Variants in EML5 observed in about 807,000 individuals in gnomAD.
EML5 encodes the protein EMAP like 5.
A neutral mutation model predicts 250.0 loss-of-function variants in EML5; 120 were observed. That is an observed-to-expected ratio of 0.48 (90% CI 0.41 to 0.56). The LOEUF is 0.56. EML5 is among the 20% of genes least tolerant of loss of function. The pLI is 0.00. For synonymous variants in EML5, 771 were observed against 806.5 expected (o/e 0.96, Z 0.75); for missense variants, 2,006 against 2,437.6 (o/e 0.82, Z 3.73).
At chr14:88,722,783 A>G (rs75387736) in intron 8 of EML5, among the ~76,000 whole-genome samples, 2,111 of 152,170 alleles carry the variant, frequency 0.014, 30 homozygotes, top group Middle Eastern at 0.037. Context: ...AAAATTTGCA[A>G]CCCCTGGCAT....
intron 24 of EML5, 48 bp from the exon 25 acceptor site, chr14:88,661,878 G>T: frequency 6.6e-7 from 1 of 1,511,334 alleles, no homozygotes; most frequent in Non-Finnish European, 8.9e-7. Context: ...CAAACCTAAA[G>T]TATTAACAAC....
intron 12 of EML5, 143 bp from the exon 13 acceptor site, chr14:88,705,121 T>G: frequency 1.6e-6 from 1 of 607,982 alleles, no homozygotes; most frequent in Non-Finnish European, 2.8e-6. Context: ...TCATGAAATT[T>G]ACTCCCTCGG....
intron 3 of EML5, among the ~76,000 whole-genome samples, 169 bp downstream of exon 3, chr14:88,746,016 C>T (rs376567607): frequency 8.5e-4 from 130 of 152,284 alleles, no homozygotes; most frequent in African/African-American, 3.0e-3. Flanking sequence ...CATATGTACT[C>T]TAACACTTTA....
chr14:88,740,353 C>T, intron 5 of EML5, 34 bp downstream of exon 5: 3 of 1,550,778 alleles, frequency 1.9e-6, no homozygotes, highest in East Asian at 2.2e-5. Context: ...AAGTAATACA[C>T]ATGAAAGTGT....
At chr14:88,682,550 C>A (rs2092736859) in intron 20 of EML5, among the ~76,000 whole-genome samples, 1 of 152,148 alleles carries the variant, frequency 6.6e-6, no homozygotes, top group Non-Finnish European at 1.5e-5. Context: ...GAGATCCACT[C>A]CCTTCCTCCC....
chr14:88,643,046 T>A, intron 30 of EML5, 24 bp from the exon 31 acceptor site: 1 of 1,545,854 alleles, frequency 6.5e-7, no homozygotes, highest in African/African-American at 1.4e-5. Flanking sequence ...AATAAAACCA[T>A]TATATTCTTC....
intron 21 of EML5, among the ~76,000 whole-genome samples, chr14:88,675,047 C>A (rs2092562723): frequency 6.6e-6 from 1 of 152,336 alleles, no homozygotes; most frequent in Non-Finnish European, 1.5e-5. Context: ...GAGTATAGCC[C>A]CCTTCCTGGC....
Position 88,682,019 on chromosome 14 carries a change from C to T in EML5, c.2995G>A (p.Gly999Arg). Residue 999 changes from glycine (G) to arginine (R), a missense_variant, in exon 21 of 44, where the codon GGA becomes AGA. This residue lies in a region of EML5 where 1,375 missense variants were observed against 1,590.3 expected (regional missense o/e 0.86). Transcript: ENST00000554922. ...ITLLVQGHME[G>R]EVWGLATHPY... Reference sequence around the variant, plus strand: ...TGTGTAGCTAAACCCCACACCTCTCCTTCCATGTGTCCCTATAAAGAAAAC... The same window carrying T: ...TGTGTAGCTAAACCCCACACCTCTCTTTCCATGTGTCCCTATAAAGAAAAC... The T allele has an allele frequency of 6.3e-7, 1 of 1,599,636 alleles. No individual in the cohort carries two copies. Among genetic ancestry groups the T allele is most frequent in the Non-Finnish European group, 8.5e-7 (1 of 1,175,230 alleles).
Position 88,620,749 on chromosome 14 carries a change from C to G in EML5, c.5375+5G>C. 1 of 1,575,490 alleles carries G rather than the reference C, an allele frequency of 6.3e-7. No individual in the cohort carries two copies. Among genetic ancestry groups the G allele is most frequent in the Non-Finnish European group, 8.6e-7 (1 of 1,166,290 alleles). ...CTAGAAACTCTATTCCATTTGTTCA[C>G]TAACCTGATATCATGGATTGCACAT... is the stretch of plus-strand genomic sequence containing the variant. On this transcript the variant is annotated splice_donor_5th_base_variant and intron_variant, in intron 39 of 43. Coordinates refer to ENST00000554922, the MANE Select transcript of EML5 (RefSeq NM_183387.3). This position sits in a 1 kb window ranked among gnomAD's most constrained non-coding sequence, Gnocchi z 4.3.
At chr14:88,647,818 CAT>C (rs1417724646) in intron 28 of EML5, among the ~76,000 whole-genome samples, 2 of 151,718 alleles carry the variant, frequency 1.3e-5, no homozygotes, top group Non-Finnish European at 2.9e-5. Context: ...TAAAGCTTGC[CAT>C]TCTTATTTTT....
At chr14:88,625,286 G>A in intron 35 of EML5, 159 bp from the exon 36 acceptor site, 2 of 759,634 alleles carry the variant, frequency 2.6e-6, no homozygotes, top group Middle Eastern at 4.1e-4. Flanking sequence ...CAGGAAACCT[G>A]AACGGGAGGC....
intron 21 of EML5, 87 bp from the exon 22 acceptor site, chr14:88,665,576 A>C (rs2092282494): frequency 1.3e-6 from 2 of 1,554,310 alleles, no homozygotes; most frequent in South Asian, 1.2e-5. Flanking sequence ...CCTATAATCC[A>C]AGCACTCTGG....
At chr14:88,713,285 G>T (rs555907094) in intron 9 of EML5, among the ~76,000 whole-genome samples, 32 of 151,966 alleles carry the variant, frequency 2.1e-4, no homozygotes, top group African/African-American at 7.0e-4. Flanking sequence ...TCAGCTACTC[G>T]GGAGGCTGAG....
intron 7 of EML5, among the ~76,000 whole-genome samples, chr14:88,733,664 C>T (rs530657105): frequency 6.6e-6 from 1 of 152,186 alleles, no homozygotes; most frequent in African/African-American, 2.4e-5. Flanking sequence ...ATGACCTATG[C>T]CATCTCCCAT....
At chr14:88,702,661 T>C in intron 13 of EML5, 29 bp from the exon 14 acceptor site, 1 of 1,476,390 alleles carries the variant, frequency 6.8e-7, no homozygotes, top group Non-Finnish European at 9.0e-7. Context: ...CATATATAAT[T>C]AATTTTGGCC....
At chr14:88,757,496 G>A (rs2094177022) in intron 1 of EML5, among the ~76,000 whole-genome samples, 1 of 151,836 alleles carries the variant, frequency 6.6e-6, no homozygotes, top group African/African-American at 2.4e-5. Context: ...AAACTTTTAT[G>A]CTTCTAAGGA....
rs2092247989 is a variant in EML5 at position 88,664,499 on chromosome 14, T to C, written c.3403A>G (p.Ile1135Val). 2 of 1,600,602 alleles carry C rather than the reference T, an allele frequency of 1.2e-6. No individual in the cohort carries two copies. The highest frequency in any genetic ancestry group is 1.3e-5 in the African/African-American group (1 of 74,520). Residue 1135 changes from isoleucine (I) to valine (V), a missense_variant, in exon 23 of 44, where the codon ATT becomes GTT. Around this residue, in one of 7 missense-constraint regions of EML5, gnomAD observed 1,375 missense variants for 1,590.3 expected, o/e 0.86. Coordinates refer to ENST00000554922, the MANE Select transcript of EML5 (RefSeq NM_183387.3). ...TSYITHIDWDIRGKLLQVNTG... is the reference protein window; with the variant it reads ...TSYITHIDWDVRGKLLQVNTG... ...AAGTTATTTAAAGTCTTACCTCTAA[T>C]ATCCCAATCAATATGGGTTATGTAA...
intron 28 of EML5, among the ~76,000 whole-genome samples, chr14:88,649,403 C>T (rs536833599): frequency 4.9e-4 from 75 of 152,194 alleles, no homozygotes; most frequent in African/African-American, 1.7e-3. Context: ...TCCACACTGT[C>T]GTTTCAGAAA....
intron 7 of EML5, among the ~76,000 whole-genome samples, chr14:88,727,870 A>G (rs2093691312): frequency 6.6e-6 from 1 of 152,214 alleles, no homozygotes; most frequent in African/African-American, 2.4e-5. Context: ...GTTCCAGACC[A>G]CAATGCTAGA....
Sources: gnomAD v4.1 joint callset for allele counts (sites outside exome capture counted in the v4.1 genomes callset) on GRCh38, gnomAD v4.1.1 for gene constraint, gnomAD v4.1.1 regional missense constraint, Gnocchi (gnomAD v3.1) non-coding constraint, MANE v1.5 for transcripts, NCBI Gene and HGNC (gene_info 2026-07-23, HGNC 2026-07-21) for gene names.